The following ELF5 variants were observed in gnomAD, a reference collection of about 807,000 sequenced individuals.
ELF5 encodes ETS-related transcription factor Elf-5.
In ELF5, 31 loss-of-function variants were observed where a neutral mutation model predicts 38.2. The ratio of observed to expected loss-of-function variants is 0.81; its 90% CI spans 0.61 to 1.10. ELF5 has a LOEUF of 1.10. Among genes scored for constraint, ELF5 ranks in the 50% least tolerant of loss-of-function variants. ELF5 has a pLI of 0.00. For missense variants in ELF5, 300 were observed against 306.6 expected, an observed-to-expected ratio of 0.98 and a Z score of 0.16; for synonymous variants, 121 against 112.5, an observed-to-expected ratio of 1.08 and a Z score of -0.48.
intron 4 of ELF5, among the ~76,000 whole-genome samples, chr11:34,487,901 G>A (rs1850046662): frequency 2.0e-5 from 3 of 152,150 alleles, no homozygotes; most frequent in Non-Finnish European, 4.4e-5. Context: ...TACTGGCCAA[G>A]CTAATGCTAG....
rs1856900688 is a variant in ELF5 at position 34,480,174 on chromosome 11, TA to T, written c.*43del. 6.6e-7 allele frequency: 1 copy of T among 1,521,176 alleles called. No individual in the cohort carries two copies. Among genetic ancestry groups the T allele is most frequent in the Non-Finnish European group, 9.1e-7 (1 of 1,100,192 alleles). 94.2% of individuals were successfully genotyped at this position (1,521,176 alleles called of 1,614,324 possible). A position where few individuals can be genotyped will look rare whatever the true frequency, so the allele number is the denominator to read the frequency against. On this transcript the variant is annotated 3_prime_UTR_variant, in exon 7 of 7. Transcript: ENST00000257832. Reference sequence around the variant, plus strand: ...AATGTCTATTGCAATCTGATTGTTTTAAAAGACAGAAATCCATAAAATGAGC... The same window carrying T: ...AATGTCTATTGCAATCTGATTGTTTTAAAGACAGAAATCCATAAAATGAGC...
intron 2 of ELF5, among the ~76,000 whole-genome samples, chr11:34,501,201 C>T (rs1850458395): frequency 6.6e-6 from 1 of 152,160 alleles, no homozygotes; most frequent in African/African-American, 2.4e-5. Context: ...AGTGGAGAAG[C>T]ATGCTTAGGG....
chr11:34,479,628 AG>A lies in ELF5; in HGVS notation c.*589del, dbSNP rs1186051425. 6.6e-6 allele frequency: 1 copy of A among 151,764 alleles called. No homozygotes were observed. Among genetic ancestry groups the A allele is most frequent in the African/African-American group, 2.4e-5 (1 of 41,256 alleles). 9.4% of individuals were successfully genotyped at this position (151,764 alleles called of 1,614,324 possible). On this transcript the variant is annotated 3_prime_UTR_variant, in exon 7 of 7. Transcript: ENST00000257832. Reference sequence around the variant, plus strand: ...CAGTACTTTGGGAGGCTGAGGTGGGAGGATCACTTGAGCATAGGAGTTCAAG... The same window carrying A: ...CAGTACTTTGGGAGGCTGAGGTGGGAGATCACTTGAGCATAGGAGTTCAAG...
intron 3 of ELF5, among the ~76,000 whole-genome samples, chr11:34,490,668 G>T (rs550923692): frequency 2.6e-5 from 4 of 152,170 alleles, no homozygotes; most frequent in Non-Finnish European, 5.9e-5. Flanking sequence ...GTAGAATGGG[G>T]TGGGCTGGGG....
At chr11:34,496,220 C>A (rs1464653119) in intron 2 of ELF5, among the ~76,000 whole-genome samples, 1 of 152,250 alleles carries the variant, frequency 6.6e-6, no homozygotes, top group South Asian at 2.1e-4. Context: ...CTCCCTGCTC[C>A]TCGGCGCTCT....
chr11:34,510,378 C>A (rs7949702), intron 1 of ELF5, among the ~76,000 whole-genome samples: 1 of 151,694 alleles, frequency 6.6e-6, no homozygotes, highest in Non-Finnish European at 1.5e-5. Flanking sequence ...CACAAAAGAC[C>A]TTGGCTACTT....
chr11:34,482,414 T>C lies in ELF5; in HGVS notation c.475+17A>G, dbSNP rs1168145510. ...GGTTTTAAGAAATTAGAATGAAAAC[T>C]GGCATCCTGCACTTACTTGTTCTAC... On this transcript the variant is annotated intron_variant, in intron 5 of 6. Coordinates refer to ENST00000257832, the MANE Select transcript of ELF5 (RefSeq NM_001422.4). 1 of 1,610,000 alleles carries C rather than the reference T, an allele frequency of 6.2e-7. No homozygotes were observed. Among genetic ancestry groups the C allele is most frequent in the Admixed American group, 1.7e-5 (1 of 59,922 alleles).
intron 4 of ELF5, among the ~76,000 whole-genome samples, chr11:34,487,947 C>G (rs913122977): frequency 6.6e-6 from 1 of 152,102 alleles, no homozygotes; most frequent in Admixed American, 6.5e-5. Context: ...CTCTAAGACA[C>G]CAAGATTGTT....
At chr11:34,510,362 G>T (rs1850722941) in intron 1 of ELF5, among the ~76,000 whole-genome samples, 1 of 151,424 alleles carries the variant, frequency 6.6e-6, no homozygotes, top group Non-Finnish European at 1.5e-5. Flanking sequence ...TTAACTCTGG[G>T]CTCTCCACAA....
chr11:34,485,044 T>A lies in ELF5; in HGVS notation c.407-2545A>T, dbSNP rs544371592. On this transcript the variant is annotated intron_variant, in intron 4 of 6. Transcript: ENST00000257832. ...ATCCATCTCTTTTTCTCCTCCACTATCAGCTGATATTTACGGAGCACTTAC... is the reference window on the plus strand; with the variant it reads ...ATCCATCTCTTTTTCTCCTCCACTAACAGCTGATATTTACGGAGCACTTAC... Among the ~76,000 whole-genome samples the A allele has an allele frequency of 2.6e-5, 4 of 152,326 alleles. No individual in the cohort carries two copies. In the South Asian group the frequency reaches 8.3e-4, roughly 32 times the overall value.
intron 2 of ELF5, among the ~76,000 whole-genome samples, chr11:34,495,864 T>G (rs1288022332): frequency 1.3e-5 from 2 of 152,212 alleles, no homozygotes; most frequent in Non-Finnish European, 2.9e-5. Flanking sequence ...CGGCCTGAGC[T>G]TTCATCTACT....
At chr11:34,484,026 A>C (rs1014370045) in intron 4 of ELF5, among the ~76,000 whole-genome samples, 1 of 151,308 alleles carries the variant, frequency 6.6e-6, no homozygotes, top group Non-Finnish European at 1.5e-5. Flanking sequence ...TACTGTACTA[A>C]CTATATTGTA....
chr11:34,484,492 A>C (rs201667554), intron 4 of ELF5, among the ~76,000 whole-genome samples: 18,083 of 119,452 alleles, frequency 0.15, 1,245 homozygotes, highest in East Asian at 0.29. Flanking sequence ...ACTATACTAT[A>C]CTATACTATA....
intron 1 of ELF5, chr11:34,511,669 G>C (rs1850761591): frequency 1.3e-6 from 2 of 1,486,982 alleles, no homozygotes; most frequent in African/African-American, 2.8e-5. Flanking sequence ...GAGTTGGAGG[G>C]ACAGGCCTGT....
Position 34,482,102 on chromosome 11 carries a change from C to A in ELF5, c.475+329G>T, listed in dbSNP as rs141274089. Among the ~76,000 whole-genome samples the A allele has an allele frequency of 5.5e-3, 840 of 152,284 alleles. 4 individuals carry two copies. The highest frequency in any genetic ancestry group is 0.019 in the African/African-American group (800 of 41,550). On this transcript the variant is annotated intron_variant, in intron 5 of 6. Coordinates refer to ENST00000257832, the MANE Select transcript of ELF5 (RefSeq NM_001422.4). ...CCAGATGGTGGAGCCAGAACTTGAA[C>A]CCAGGGGGTTTTCATTCCAAAGCTA...
intron 2 of ELF5, among the ~76,000 whole-genome samples, chr11:34,500,868 CTT>C (rs11364716): frequency 2.1e-4 from 31 of 150,892 alleles, no homozygotes; most frequent in South Asian, 1.7e-3. Flanking sequence ...GGGTTTTGCA[CTT>C]TTTTTTTTCT....
At chr11:34,487,320 C>T (rs1850024243) in intron 4 of ELF5, among the ~76,000 whole-genome samples, 1 of 152,086 alleles carries the variant, frequency 6.6e-6, no homozygotes. Flanking sequence ...CCCATGGCAC[C>T]AACCATCAGC....
At chr11:34,510,827 TA>T (rs1318166143) in intron 1 of ELF5, among the ~76,000 whole-genome samples, 1 of 151,788 alleles carries the variant, frequency 6.6e-6, no homozygotes, top group African/African-American at 2.4e-5. Context: ...GGAGAAGTGA[TA>T]AAAAAAAGGT....
intron 1 of ELF5, among the ~76,000 whole-genome samples, chr11:34,507,564 A>T (rs1222838510): frequency 6.6e-6 from 1 of 152,228 alleles, no homozygotes; most frequent in Non-Finnish European, 1.5e-5. Context: ...GGCAGAAAAG[A>T]ACAGGCCTAG....
Sources: gnomAD v4.1 joint callset for allele counts (sites outside exome capture counted in the v4.1 genomes callset) on GRCh38, gnomAD v4.1.1 for gene constraint, MANE v1.5 for transcripts, NCBI Gene and HGNC (gene_info 2026-07-23, HGNC 2026-07-21) for gene names.